DCTN1: variants seen among roughly 807,000 people sequenced by gnomAD.
DCTN1 encodes the protein 150 kDa dynein-associated polypeptide.
A neutral mutation model predicts 161.2 loss-of-function variants in DCTN1; 61 were observed. The observed-to-expected ratio is 0.38, with a 90% CI of 0.31 to 0.47. DCTN1 has a LOEUF of 0.47. Ranked by LOEUF, DCTN1 falls within the 20% of genes least tolerant of loss-of-function variation. DCTN1 has a pLI of 0.99. For synonymous variants in DCTN1, 653 were observed against 632.4 expected (o/e 1.03, Z -0.49); for missense variants, 1,404 against 1,623.7 (o/e 0.86, Z 2.33).
chr2:74,374,498 A>C, intron 5 of DCTN1, 158 bp from the exon 6 acceptor site: 2 of 1,488,694 alleles, frequency 1.3e-6, no homozygotes, highest in Non-Finnish European at 9.0e-7. Context: ...AGTGCATCAA[A>C]TCCCAACAAT....
chr2:74,369,322 C>T lies in DCTN1; in HGVS notation c.1562G>A (p.Arg521His), dbSNP rs750997137. ...ADYQQTIKKY[R>H]QLTAHLQDVN... The stretch of plus-strand genomic sequence containing the variant: ...TACCTGTAGATGGGCGGTCAGCTGG[C>T]GGTACTTCTTGATGGTCTGCTGGTA... Residue 521 changes from arginine to histidine, a missense_variant, in exon 14 of 32, where the codon CGC becomes CAC. By Grantham distance (29) the Arg-to-His change is conservative. This residue lies in a region of DCTN1 where 278 missense variants were observed against 363.8 expected (regional missense o/e 0.76). Coordinates refer to ENST00000628224, the MANE Select transcript of DCTN1 (RefSeq NM_004082.5). The surrounding 1 kb of genome is among the most constrained non-coding windows in gnomAD (Gnocchi z 4.9). 4.3e-6 allele frequency: 7 copies of T among 1,614,166 alleles called. No homozygotes were observed. Among genetic ancestry groups the T allele is most frequent in the Non-Finnish European group, 5.9e-6 (7 of 1,180,028 alleles).
Position 74,366,037 on chromosome 2 carries a change from G to T in DCTN1, c.2761-19C>A, listed in dbSNP as rs200545447. The T allele has an allele frequency of 5.0e-6, 8 of 1,614,190 alleles. No individual in the cohort carries two copies. The highest frequency in any genetic ancestry group is 2.2e-5 in the South Asian group (2 of 91,082). On this transcript the variant is annotated intron_variant, in intron 23 of 31. Transcript: ENST00000628224. Reference sequence around the variant, plus strand: ...GTGGAGGCTAAGGAATGGTCGGTAGGGGGTGAGAAAGTGAGGGTGGAGAGA... The same window carrying T: ...GTGGAGGCTAAGGAATGGTCGGTAGTGGGTGAGAAAGTGAGGGTGGAGAGA...
chr2:74,389,445 T>C (rs1269247794), intron 1 of DCTN1, among the ~76,000 whole-genome samples: 1 of 152,144 alleles, frequency 6.6e-6, no homozygotes, highest in Non-Finnish European at 1.5e-5. Flanking sequence ...ATAATCCCTT[T>C]CAACCTATAA....
In DCTN1 at chr2:74,380,184, A is replaced by G. The variant is rs1675449242; in HGVS notation, c.-147T>C. ...CAGCCCTCCCCAGTCCATGGGCCTCACTCGGTGGCCTACACGGGTAGGGGT... is the reference window on the plus strand; with the variant it reads ...CAGCCCTCCCCAGTCCATGGGCCTCGCTCGGTGGCCTACACGGGTAGGGGT... On this transcript the variant is annotated 5_prime_UTR_variant, in exon 1 of 32. Transcript: ENST00000628224. 1 of 834,866 alleles carries G rather than the reference A, an allele frequency of 1.2e-6. No homozygotes were observed. The highest frequency in any genetic ancestry group is 2.0e-6 in the Non-Finnish European group (1 of 501,924). The allele number at this position is 834,866 out of a possible 1,614,324, so 51.7% of individuals were successfully genotyped here.
At chr2:74,363,825 C>G (rs952552650) in intron 26 of DCTN1, 197 bp from the exon 27 acceptor site, 5 of 725,568 alleles carry the variant, frequency 6.9e-6, no homozygotes, top group African/African-American at 5.2e-5. Context: ...AAGAAAGACA[C>G]CAAACAGGAG....
At chr2:74,391,859 G>A (rs981090181) in exon 1 of DCTN1, 7 of 453,114 alleles carry the variant, frequency 1.5e-5, no homozygotes, top group Middle Eastern at 6.8e-4. Flanking sequence ...AGACCCTGCG[G>A]GGCCGGCCCC....
At chr2:74,383,888 G>A (rs1444972936), upstream of DCTN1, 1 of 152,216 alleles carries the variant, frequency 6.6e-6, no homozygotes, top group Non-Finnish European at 1.5e-5. Context: ...TTAGCACAAT[G>A]TCTGTGTGCT....
At position 74,361,328 on chromosome 2, in the gene DCTN1, A is replaced by T. The variant is rs1673966684; in HGVS notation, c.*171T>A. 1.4e-6 allele frequency: 1 copy of T among 696,644 alleles called. No individual in the cohort carries two copies. Among genetic ancestry groups the T allele is most frequent in the African/African-American group, 1.8e-5 (1 of 55,642 alleles). The allele number at this position is 696,644 out of a possible 1,614,324, so 43.2% of individuals were successfully genotyped here. On this transcript the variant is annotated 3_prime_UTR_variant, in exon 32 of 32. Coordinates refer to ENST00000628224, the MANE Select transcript of DCTN1 (RefSeq NM_004082.5). ...GAGGCCAGGGAATGGGAGTGGGGGA[A>T]CCCGGGTCAAGGTGAAGGGGCAGGA...
At chr2:74,381,057 G>A (rs1370362589), upstream of DCTN1, among the ~76,000 whole-genome samples, 1 of 152,082 alleles carries the variant, frequency 6.6e-6, no homozygotes, top group Non-Finnish European at 1.5e-5. Context: ...TATTTTCTAC[G>A]CTTTTGTATT....
chr2:74,388,714 G>C (rs1449088704), intron 1 of DCTN1, among the ~76,000 whole-genome samples: 1 of 152,178 alleles, frequency 6.6e-6, no homozygotes, highest in Non-Finnish European at 1.5e-5. Flanking sequence ...CAGGACAGAG[G>C]ATTGTATCCA....
intron 26 of DCTN1, 98 bp downstream of exon 26, chr2:74,364,977 C>G (rs1233796193): frequency 6.6e-7 from 1 of 1,514,116 alleles, no homozygotes. Flanking sequence ...GCTGAATACC[C>G]GGGGGTAAGG....
rs1436694430 is a variant in DCTN1 at position 74,363,604 on chromosome 2, G to T, written c.3211+10C>A. ...CAGCCTGGTAACCCCCGGCCAGAGT[G>T]GGTCTCTACCTCGCTGCTGTTCTTC... On this transcript the variant is annotated intron_variant, in intron 27 of 31. Transcript: ENST00000628224. 6.2e-7 allele frequency: 1 copy of T among 1,613,592 alleles called. No homozygotes were observed. The highest frequency in any genetic ancestry group is 1.7e-5 in the Admixed American group (1 of 59,960).
chr2:74,369,849 G>GTAGCAAGCCCAGGC lies in DCTN1; in HGVS notation c.1392+102_1392+115dup, dbSNP rs963210768. 6.0e-6 allele frequency: 6 copies of GTAGCAAGCCCAGGC among 993,896 alleles called. No homozygotes were observed. In the African/African-American group the frequency reaches 9.5e-5, roughly 16 times the overall value. 61.6% of individuals were successfully genotyped at this position (993,896 alleles called of 1,614,324 possible). On this transcript the variant is annotated intron_variant, in intron 13 of 31. Coordinates refer to ENST00000628224, the MANE Select transcript of DCTN1 (RefSeq NM_004082.5). This position sits in a 1 kb window ranked among gnomAD's most constrained non-coding sequence, Gnocchi z 4.9. ...AAAAAAAAAAAAAGGCAGGGTCAGGGTAGCAAGCCCAGGCTGGGTCCCTCA... is the reference window on the plus strand; with the variant it reads ...AAAAAAAAAAAAAGGCAGGGTCAGGGTAGCAAGCCCAGGCTAGCAAGCCCAGGCTGGGTCCCTCA...
At position 74,366,204 on chromosome 2, in the gene DCTN1, T is replaced by C. The variant is rs1435011924; in HGVS notation, c.2760+40A>G. ...GCAGTAGCTCTGCAAGTCTTACTCC[T>C]ACAGGCCTCTGCAACTTCTCCAAGG... On this transcript the variant is annotated intron_variant, in intron 23 of 31. Transcript: ENST00000628224. 1.9e-6 allele frequency: 3 copies of C among 1,613,728 alleles called. No individual in the cohort carries two copies. The East Asian group carries it at 6.7e-5, about 36-fold the overall frequency.
chr2:74,377,905 T>C (rs1675317412), intron 2 of DCTN1, 95 bp downstream of exon 2: 2 of 1,561,362 alleles, frequency 1.3e-6, no homozygotes, highest in Non-Finnish European at 1.8e-6. Flanking sequence ...CAGAGGCTTA[T>C]GCCCATGCTC....
In DCTN1 at chr2:74,374,327, C is replaced by A. The variant is rs764615912; in HGVS notation, c.428G>T (p.Arg143Leu). The A allele has an allele frequency of 1.9e-6, 3 of 1,598,990 alleles. No individual in the cohort carries two copies. In the South Asian group the frequency reaches 3.3e-5, roughly 18 times the overall value. ...GACGAGAGCAAGCAAGAGTACCTTT[C>A]GGGCTGTCGGTGCCTGTCTCATCAT... ...GLKPKKAPTARKTTTRRPKPT... is the reference protein window; with the variant it reads ...GLKPKKAPTALKTTTRRPKPT... The change falls in exon 6 of 32, where the codon CGA becomes CTA. Residue 143 changes from arginine to leucine, a missense_variant. Arg to Leu is a moderately radical substitution (Grantham distance 102). Transcript: ENST00000628224.
At chr2:74,361,852 G>A (rs1674017728) in intron 31 of DCTN1, among the ~76,000 whole-genome samples, 200 bp downstream of exon 31, 1 of 152,156 alleles carries the variant, frequency 6.6e-6, no homozygotes, top group African/African-American at 2.4e-5. Context: ...AGTCACGGAA[G>A]GTGTTTAGGT....
At chr2:74,384,315 A>G (rs1675636911), upstream of DCTN1, among the ~76,000 whole-genome samples, 1 of 152,218 alleles carries the variant, frequency 6.6e-6, no homozygotes. Flanking sequence ...TAGCCAAAAA[A>G]TGGCAGAGGG....
chr2:74,364,788 GGTCA>G, intron 26 of DCTN1: 1 of 469,032 alleles, frequency 2.1e-6, no homozygotes, highest in East Asian at 4.4e-5. Context: ...TGGGCAGAAA[GGTCA>G]GATTACAGAG....
Sources: allele counts gnomAD v4.1 joint callset (sites outside exome capture counted in the v4.1 genomes callset), GRCh38; gene constraint gnomAD v4.1.1; regional missense constraint gnomAD v4.1.1; non-coding constraint Gnocchi (gnomAD v3.1); transcripts MANE v1.5; gene names NCBI Gene and HGNC (gene_info 2026-07-23, HGNC 2026-07-21).